FZD3: variants seen among roughly 807,000 people sequenced by gnomAD.
FZD3 encodes frizzled class receptor 3.
A neutral mutation model predicts 60.7 loss-of-function variants in FZD3; 30 were observed. The observed-to-expected ratio is 0.49, with a 90% CI of 0.37 to 0.67. The LOEUF (loss-of-function observed/expected upper bound fraction) is 0.67, where lower values mean the gene tolerates loss of function less well. FZD3 is among the 30% of genes least tolerant of loss of function. The pLI is 0.00. For missense variants in FZD3, 605 were observed against 838.7 expected, an observed-to-expected ratio of 0.72 and a Z score of 3.44; for synonymous variants, 246 against 275.2, an observed-to-expected ratio of 0.89 and a Z score of 1.05.
intron 2 of FZD3, among the ~76,000 whole-genome samples, chr8:28,500,955 T>A (rs2130266041): frequency 6.6e-6 from 1 of 152,246 alleles, no homozygotes; most frequent in South Asian, 2.1e-4. Flanking sequence ...AGAGACAGGG[T>A]TTCACTATGT....
At chr8:28,546,609 C>G (rs958200386) in intron 5 of FZD3, among the ~76,000 whole-genome samples, 2 of 152,110 alleles carry the variant, frequency 1.3e-5, no homozygotes, top group Admixed American at 1.3e-4. Context: ...CCCCACCCAG[C>G]ACTTATTTTT....
At chr8:28,513,314 A>C (rs1160972071) in intron 3 of FZD3, among the ~76,000 whole-genome samples, 3 of 152,172 alleles carry the variant, frequency 2.0e-5, no homozygotes, top group Non-Finnish European at 4.4e-5. Flanking sequence ...GGAAATATTA[A>C]AAGTTTACTT....
rs553161724 is a variant in FZD3 at position 28,532,179 on chromosome 8, C to G, written c.1404+4015C>G. Reference sequence around the variant, plus strand: ...TCATTTGTATAACCATGTGTCAACTCCACATCTTCTTTACCTTGTTCTTCT... The same window carrying G: ...TCATTTGTATAACCATGTGTCAACTGCACATCTTCTTTACCTTGTTCTTCT... On this transcript the variant is annotated intron_variant, in intron 5 of 7. Transcript: ENST00000240093. 5.3e-5 allele frequency among the ~76,000 whole-genome samples: 8 copies of G among 152,298 alleles called. No individual in the cohort carries two copies. The South Asian group carries it at 1.5e-3, about 28-fold the overall frequency.
At chr8:28,531,911 T>C (rs958775823) in intron 5 of FZD3, among the ~76,000 whole-genome samples, 22 of 152,330 alleles carry the variant, frequency 1.4e-4, no homozygotes, top group Middle Eastern at 3.4e-3. Flanking sequence ...TTTAAGGTAA[T>C]CCTTCCCTGC....
At chr8:28,528,415 A>AT (rs200109621) in intron 5 of FZD3, among the ~76,000 whole-genome samples, 4,320 of 146,280 alleles carry the variant, frequency 0.03, 138 homozygotes, top group African/African-American at 0.088. Flanking sequence ...TCTGTTGGTG[A>AT]TTTTTTTTTT....
chr8:28,496,952 T>C (rs1013502796), intron 1 of FZD3, among the ~76,000 whole-genome samples: 2 of 152,180 alleles, frequency 1.3e-5, no homozygotes, highest in East Asian at 3.8e-4. Flanking sequence ...GATAGCAGAT[T>C]TAAGAGAAGC....
intron 5 of FZD3, among the ~76,000 whole-genome samples, chr8:28,535,409 T>C (rs957446588): frequency 6.6e-6 from 1 of 152,224 alleles, no homozygotes; most frequent in Non-Finnish European, 1.5e-5. Flanking sequence ...TATTATTAAC[T>C]AAAGTTCATA....
intron 5 of FZD3, among the ~76,000 whole-genome samples, chr8:28,539,102 C>G (rs1348227885): frequency 6.6e-6 from 1 of 151,976 alleles, no homozygotes; most frequent in Non-Finnish European, 1.5e-5. Flanking sequence ...ATCAGGGATC[C>G]CCTACCCCCG....
intron 5 of FZD3, among the ~76,000 whole-genome samples, chr8:28,535,831 T>C (rs1804996497): frequency 6.6e-6 from 1 of 152,228 alleles, no homozygotes; most frequent in Admixed American, 6.5e-5. Flanking sequence ...CCTCTATTTT[T>C]AGTGCCTTCT....
chr8:28,565,977 T>C lies in FZD3; in HGVS notation c.*2966T>C, dbSNP rs35144675. 7.6e-5 allele frequency: 2 copies of C among 26,164 alleles called. No homozygotes were observed. The highest frequency in any genetic ancestry group is 3.9e-4 in the Admixed American group (1 of 2,564). 1.6% of individuals were successfully genotyped at this position (26,164 alleles called of 1,614,324 possible). On this transcript the variant is annotated 3_prime_UTR_variant, in exon 8 of 8. Coordinates refer to ENST00000240093, the MANE Select transcript of FZD3 (RefSeq NM_017412.4). ...CAAAAAGTACTTTGATTTCAGCAACTTTTTTTATTCAATAACTAGACAAAA... is the reference window on the plus strand; with the variant it reads ...CAAAAAGTACTTTGATTTCAGCAACCTTTTTTATTCAATAACTAGACAAAA...
At chr8:28,511,548 A>G (rs2130313414) in intron 3 of FZD3, among the ~76,000 whole-genome samples, 1 of 152,360 alleles carries the variant, frequency 6.6e-6, no homozygotes, top group East Asian at 1.9e-4. Flanking sequence ...AATCCAAAGC[A>G]TAATAGACTT....
intron 4 of FZD3, among the ~76,000 whole-genome samples, chr8:28,522,858 C>G (rs1419424547): frequency 6.7e-6 from 1 of 149,948 alleles, no homozygotes; most frequent in Non-Finnish European, 1.5e-5. Context: ...CAACCTCCAC[C>G]TCCTGAGTTC....
At chr8:28,547,006 C>T (rs1805310578) in intron 5 of FZD3, among the ~76,000 whole-genome samples, 1 of 152,098 alleles carries the variant, frequency 6.6e-6, no homozygotes, top group East Asian at 1.9e-4. Flanking sequence ...GTTCGAAACC[C>T]AAAAGCTACG....
intron 1 of FZD3, among the ~76,000 whole-genome samples, chr8:28,497,398 A>G (rs1209446006): frequency 1.3e-5 from 2 of 152,232 alleles, no homozygotes; most frequent in Non-Finnish European, 2.9e-5. Context: ...AAGGAAAGTA[A>G]CATTTGAGCA....
chr8:28,515,780 C>T (rs1038859835), intron 3 of FZD3, among the ~76,000 whole-genome samples: 1 of 152,166 alleles, frequency 6.6e-6, no homozygotes, highest in Non-Finnish European at 1.5e-5. Flanking sequence ...ACTGCCTTTC[C>T]CTGGCATCAG....
At chr8:28,532,717 T>G (rs940028321) in intron 5 of FZD3, among the ~76,000 whole-genome samples, 2 of 152,144 alleles carry the variant, frequency 1.3e-5, no homozygotes, top group Non-Finnish European at 2.9e-5. Context: ...CTGGCCTGAT[T>G]TATTTTGTGT....
At chr8:28,536,257 T>C (rs1805009718) in intron 5 of FZD3, among the ~76,000 whole-genome samples, 1 of 152,216 alleles carries the variant, frequency 6.6e-6, no homozygotes, top group Admixed American at 6.5e-5. Context: ...CCTTCATTTT[T>C]TTCATCTCTT....
chr8:28,494,730 T>C (rs1291935307), intron 1 of FZD3, among the ~76,000 whole-genome samples: 6 of 151,842 alleles, frequency 4.0e-5, no homozygotes, highest in African/African-American at 1.5e-4. Context: ...TTCGCTCGCC[T>C]CTACCCCGGC....
chr8:28,534,892 A>G (rs1804970242), intron 5 of FZD3, among the ~76,000 whole-genome samples: 2 of 152,244 alleles, frequency 1.3e-5, no homozygotes, highest in Non-Finnish European at 2.9e-5. Flanking sequence ...TGTGCCTTAT[A>G]GAACACTTAG....
Sources: allele counts gnomAD v4.1 joint callset (sites outside exome capture counted in the v4.1 genomes callset), GRCh38; gene constraint gnomAD v4.1.1; transcripts MANE v1.5; gene names NCBI Gene and HGNC (gene_info 2026-07-23, HGNC 2026-07-21).